DAPK2: variants seen among roughly 807,000 people sequenced by gnomAD.
DAPK2 encodes death-associated protein kinase 2.
Under a neutral mutation model 44.1 loss-of-function variants are expected in DAPK2, and 35 were observed. The ratio of observed to expected loss-of-function variants is 0.79; its 90% CI spans 0.61 to 1.05. The LOEUF is 1.05. DAPK2 is among the 50% of genes least tolerant of loss of function. DAPK2 has a pLI of 0.00. For synonymous variants in DAPK2, 174 were observed against 182.6 expected (o/e 0.95, Z 0.38); for missense variants, 453 against 483.2 (o/e 0.94, Z 0.59).
intron 3 of DAPK2, among the ~76,000 whole-genome samples, chr15:63,963,132 G>T (rs1567235485): frequency 6.6e-6 from 1 of 152,202 alleles, no homozygotes; most frequent in Non-Finnish European, 1.5e-5. Flanking sequence ...GGCTCTGTGG[G>T]CATGGGACCC....
At chr15:64,042,265 G>A (rs1397672192), upstream of DAPK2, among the ~76,000 whole-genome samples, 2 of 152,174 alleles carry the variant, frequency 1.3e-5, no homozygotes, top group East Asian at 1.9e-4. This position sits in a 1 kb window ranked among gnomAD's most constrained non-coding sequence, Gnocchi z 4.7. Context: ...TCAGAAGCTC[G>A]ACGCCCCTCA....
intron 1 of DAPK2, among the ~76,000 whole-genome samples, chr15:64,038,363 G>A (rs913303868): frequency 6.6e-6 from 1 of 152,220 alleles, no homozygotes; most frequent in Non-Finnish European, 1.5e-5. Context: ...GCTGGCTGTG[G>A]TTTGTTGCCG....
chr15:63,939,039 T>C lies in DAPK2; in HGVS notation c.583+193A>G, dbSNP rs1407726691. On this transcript the variant is annotated intron_variant, in intron 4 of 10. Transcript: ENST00000261891. This position sits in a 1 kb window ranked among gnomAD's most constrained non-coding sequence, Gnocchi z 4.3. ...ACTCAGCCCTTGCCTCACTGAGCAC[T>C]CAAAGCCTACACCTGGGCCCTCATC... Among the ~76,000 whole-genome samples the C allele has an allele frequency of 6.6e-6, 1 of 152,026 alleles. No individual in the cohort carries two copies. Among genetic ancestry groups the C allele is most frequent in the Non-Finnish European group, 1.5e-5 (1 of 68,000 alleles).
At chr15:64,037,130 C>T (rs1056521316) in intron 1 of DAPK2, among the ~76,000 whole-genome samples, 2 of 152,168 alleles carry the variant, frequency 1.3e-5, no homozygotes, top group African/African-American at 4.8e-5. Context: ...ACCCATGTGA[C>T]CCCAAAGGCC....
At chr15:63,936,971 C>T (rs1409098297) in intron 4 of DAPK2, among the ~76,000 whole-genome samples, 2 of 100,068 alleles carry the variant, frequency 2.0e-5, no homozygotes, top group South Asian at 7.8e-4. Flanking sequence ...CAGAGTGAGA[C>T]CCTGTCTCAA....
rs1448517738 is a variant in DAPK2, at chr15:64,032,291, C to T, written c.92+7879G>A. On this transcript the variant is annotated intron_variant, in intron 1 of 10. Transcript: ENST00000261891. ...TGGGGCAGGGCATGGCAGGTTTTGT[C>T]AGAGTCACCGTGTTTGATCTGGACC... Among the ~76,000 whole-genome samples the T allele has an allele frequency of 2.6e-5, 4 of 152,268 alleles. No individual in the cohort carries two copies. In the East Asian group the frequency reaches 7.7e-4, roughly 29 times the overall value.
chr15:63,946,434 T>C (rs1281760475), intron 3 of DAPK2, among the ~76,000 whole-genome samples: 1 of 152,246 alleles, frequency 6.6e-6, no homozygotes, highest in Non-Finnish European at 1.5e-5. Flanking sequence ...CTGGAGCTCT[T>C]AGAGGCTCAG....
At chr15:63,984,190 G>A (rs1469672954) in intron 1 of DAPK2, among the ~76,000 whole-genome samples, 3 of 152,156 alleles carry the variant, frequency 2.0e-5, no homozygotes, top group Non-Finnish European at 4.4e-5. Flanking sequence ...TCATCATAGT[G>A]GGGGAGCATC....
At chr15:64,030,971 T>TACACACAC (rs752579612) in intron 1 of DAPK2, among the ~76,000 whole-genome samples, 27 of 61,042 alleles carry the variant, frequency 4.4e-4, no homozygotes, top group African/African-American at 1.8e-3. Flanking sequence ...TGTCTCAAAA[T>TACACACAC]ACACACATAC....
At chr15:63,913,398 C>T (rs534577933) in intron 8 of DAPK2, among the ~76,000 whole-genome samples, 1 of 152,164 alleles carries the variant, frequency 6.6e-6, no homozygotes, top group Non-Finnish European at 1.5e-5. Context: ...TATGTACAGA[C>T]ATGCATTTCT....
intron 1 of DAPK2, among the ~76,000 whole-genome samples, chr15:64,037,936 G>C (rs1179237720): frequency 6.6e-6 from 1 of 152,140 alleles, no homozygotes; most frequent in Non-Finnish European, 1.5e-5. Flanking sequence ...GAGTAGGGGA[G>C]GTGAGAATCA....
chr15:64,037,285 C>T (rs1019299579), intron 1 of DAPK2, among the ~76,000 whole-genome samples: 19 of 152,224 alleles, frequency 1.2e-4, no homozygotes, highest in African/African-American at 4.3e-4. Flanking sequence ...AGGTCCCAGG[C>T]ACTTCCCCAC....
At position 64,015,846 on chromosome 15, in the gene DAPK2, A is replaced by T. The variant is rs560794982; in HGVS notation, c.92+24324T>A. Reference sequence around the variant, plus strand: ...ACGCTAGGAGACAGGTATGGAACTGATTCTGTCTCAGAGCCTCCCCAAGGA... The same window carrying T: ...ACGCTAGGAGACAGGTATGGAACTGTTTCTGTCTCAGAGCCTCCCCAAGGA... On this transcript the variant is annotated intron_variant, in intron 1 of 10. Transcript: ENST00000261891. Among the ~76,000 whole-genome samples the T allele has an allele frequency of 7.2e-5, 11 of 152,334 alleles. No homozygotes were observed. The South Asian group carries it at 2.3e-3, about 32-fold the overall frequency.
intron 4 of DAPK2, among the ~76,000 whole-genome samples, chr15:63,935,043 GT>G (rs1302758680): frequency 1.3e-4 from 18 of 142,372 alleles, no homozygotes; most frequent in Admixed American, 2.8e-4. Flanking sequence ...ATGTTTTGGG[GT>G]TTTTTTTTAA....
chr15:63,939,179 C>T lies in DAPK2; in HGVS notation c.583+53G>A, dbSNP rs2077240670. ...CAGACACAGGTTTCTTCCCAGGATC[C>T]CTACCTTTGATGCCAGATTCTTAGC... On this transcript the variant is annotated intron_variant, in intron 4 of 10. Coordinates refer to ENST00000261891, the Ensembl canonical transcript of DAPK2. The surrounding 1 kb of genome is among the most constrained non-coding windows in gnomAD (Gnocchi z 4.3). 1 of 1,605,860 alleles carries T rather than the reference C, an allele frequency of 6.2e-7. No individual in the cohort carries two copies. Among genetic ancestry groups the T allele is most frequent in the African/African-American group, 1.3e-5 (1 of 74,578 alleles).
chr15:64,028,922 T>G (rs906418181), intron 1 of DAPK2, among the ~76,000 whole-genome samples: 2 of 148,364 alleles, frequency 1.3e-5, no homozygotes, highest in Admixed American at 1.3e-4. Context: ...TCTTACAACT[T>G]TTTTTTATCA....
At chr15:63,955,668 G>A (rs1349424067) in intron 3 of DAPK2, among the ~76,000 whole-genome samples, 1 of 152,064 alleles carries the variant, frequency 6.6e-6, no homozygotes, top group African/African-American at 2.4e-5. Flanking sequence ...CCAGGGCTTA[G>A]GTGATCCTCC....
chr15:63,940,356 T>C (rs2077273158), intron 3 of DAPK2, among the ~76,000 whole-genome samples: 1 of 151,930 alleles, frequency 6.6e-6, no homozygotes, highest in African/African-American at 2.4e-5. Context: ...GCACATCTAG[T>C]ATCCACATGT....
At position 63,917,972 on chromosome 15, in the gene DAPK2, T is replaced by A. The variant is rs901216378; in HGVS notation, c.859-5775A>T. 1 of 152,222 alleles carries A rather than the reference T, an allele frequency of 6.6e-6. No individual in the cohort carries two copies. The highest frequency in any genetic ancestry group is 2.4e-5 in the African/African-American group (1 of 41,438). The allele number at this position is 152,222 out of a possible 1,614,324, so 9.4% of individuals were successfully genotyped here. On this transcript the variant is annotated intron_variant, in intron 8 of 10. Transcript: ENST00000261891. This position sits in a 1 kb window ranked among gnomAD's most constrained non-coding sequence, Gnocchi z 4.4. The stretch of plus-strand genomic sequence containing the variant: ...CTGAATCTTTTATTTGAGGTTATCT[T>A]GTCCTTGTCTGTCACCTCCCCCTGA...
Sources: gnomAD v4.1 joint callset for allele counts (sites outside exome capture counted in the v4.1 genomes callset) on GRCh38, gnomAD v4.1.1 for gene constraint, Gnocchi (gnomAD v3.1) non-coding constraint, MANE v1.5 for transcripts, NCBI Gene and HGNC (gene_info 2026-07-23, HGNC 2026-07-21) for gene names.